CNTNAP3B: variants seen among roughly 807,000 people sequenced by gnomAD.
The protein encoded by CNTNAP3B is contactin associated protein family member 3B.
A neutral mutation model predicts 108.9 loss-of-function variants in CNTNAP3B; 25 were observed. The observed-to-expected ratio is 0.23, with a 90% confidence interval of 0.17 to 0.32. CNTNAP3B has a LOEUF of 0.32. CNTNAP3B is among the 10% of genes least tolerant of loss of function. The probability of loss-of-function intolerance (pLI) is 1.00; values close to 1 mark genes in which losing one functional copy is unlikely to be tolerated. For missense variants in CNTNAP3B, 252 were observed against 1,210.4 expected (o/e 0.21, Z 11.75); for synonymous variants, 103 against 473.4 (o/e 0.22, Z 10.16).
chr9:42,064,505 G>C lies in CNTNAP3B; in HGVS notation c.390+12364C>G, dbSNP rs1343047643. On this transcript the variant is annotated intron_variant, in intron 3 of 23. Transcript: ENST00000377561. ...ATTCAGGAGGTACATATGCAGGTTT[G>C]TTACCTTGGTATATTGTGTAATGCT... is the stretch of plus-strand genomic sequence containing the variant. Among the ~76,000 whole-genome samples the C allele has an allele frequency of 7.7e-4, 84 of 109,118 alleles. 1 individual carries two copies. Among genetic ancestry groups the C allele is most frequent in the Middle Eastern group, 3.9e-3 (1 of 258 alleles). The allele number at this position is 109,118 out of a possible 152,430, so 71.6% of individuals were successfully genotyped here.
chr9:41,982,861 T>TAA (rs572261820), intron 9 of CNTNAP3B, among the ~76,000 whole-genome samples: 2 of 135,142 alleles, frequency 1.5e-5, no homozygotes, highest in African/African-American at 6.1e-5. Flanking sequence ...TATGTAGCCA[T>TAA]AAAAAAAATG....
Position 42,030,748 on chromosome 9 carries a change from TACAGAGAG to T in CNTNAP3B, c.391-17231_391-17224del, listed in dbSNP as rs1243902442. 4.1e-4 allele frequency among the ~76,000 whole-genome samples: 3 copies of T among 7,280 alleles called. No homozygotes were observed. The East Asian group carries it at 0.011, about 26-fold the overall frequency. The allele number at this position is 7,280 out of a possible 152,430, so 4.8% of individuals were successfully genotyped here. A position where few individuals can be genotyped will look rare whatever the true frequency, so the allele number is the denominator to read the frequency against. ...CCCGGAGAAGGGAGTGAGAAAGAGA[TACAGAGAG>T]AGAGAGAGAGAGAGAGAGAGAGAGA... On this transcript the variant is annotated intron_variant, in intron 3 of 23. Coordinates refer to ENST00000377561, the MANE Select transcript of CNTNAP3B (RefSeq NM_001201380.3).
At chr9:42,056,442 C>A (rs1253545209) in intron 3 of CNTNAP3B, among the ~76,000 whole-genome samples, 1 of 138,352 alleles carries the variant, frequency 7.2e-6, no homozygotes, top group East Asian at 2.1e-4. Flanking sequence ...GCTCCACCTC[C>A]CGGGTTCACA....
At chr9:41,943,749 A>T (rs1158259377) in intron 13 of CNTNAP3B, among the ~76,000 whole-genome samples, 1 of 152,064 alleles carries the variant, frequency 6.6e-6, no homozygotes, top group Admixed American at 6.5e-5. Context: ...AATATTTAAA[A>T]TAATGACAGT....
At position 42,036,464 on chromosome 9, in the gene CNTNAP3B, A is replaced by C. The variant is rs1163889757; in HGVS notation, c.391-22939T>G. ...AATTTGGGTCTCACTAATACTTTTTAAGATCGAACTGCAAGGCAGCAGCGA... is the reference window on the plus strand; with the variant it reads ...AATTTGGGTCTCACTAATACTTTTTCAGATCGAACTGCAAGGCAGCAGCGA... On this transcript the variant is annotated intron_variant, in intron 3 of 23. Coordinates refer to ENST00000377561, the MANE Select transcript of CNTNAP3B (RefSeq NM_001201380.3). 1.4e-5 allele frequency among the ~76,000 whole-genome samples: 2 copies of C among 138,776 alleles called. 1 individual carries two copies. Among genetic ancestry groups the C allele is most frequent in the African/African-American group, 5.7e-5 (2 of 34,926 alleles). 91.0% of individuals were successfully genotyped at this position (138,776 alleles called of 152,430 possible). A position where few individuals can be genotyped will look rare whatever the true frequency, so the allele number is the denominator to read the frequency against.
At position 41,922,287 on chromosome 9, in the gene CNTNAP3B, A is replaced by T. The variant is rs1211941213; in HGVS notation, c.2755+390T>A. Among the ~76,000 whole-genome samples, 2 of 122,994 alleles carry T rather than the reference A, an allele frequency of 1.6e-5. 1 individual carries two copies. The highest frequency in any genetic ancestry group is 4.6e-4 in the East Asian group (2 of 4,320). 80.7% of individuals were successfully genotyped at this position (122,994 alleles called of 152,430 possible). A position where few individuals can be genotyped will look rare whatever the true frequency, so the allele number is the denominator to read the frequency against. ...ACGACCATCCTGGCCAACATGGTAA[A>T]ACTGTGTCTCTATTAAAAATACAAA... On this transcript the variant is annotated intron_variant, in intron 17 of 23. Coordinates refer to ENST00000377561, the MANE Select transcript of CNTNAP3B (RefSeq NM_001201380.3).
intron 13 of CNTNAP3B, among the ~76,000 whole-genome samples, chr9:41,941,236 T>C (rs1467354629): frequency 1.3e-5 from 2 of 149,958 alleles, no homozygotes; most frequent in Non-Finnish European, 3.0e-5. Context: ...ATGTAAATGG[T>C]TAAAATATAA....
chr9:41,947,615 T>A (rs1476520610), intron 13 of CNTNAP3B, among the ~76,000 whole-genome samples: 1 of 152,066 alleles, frequency 6.6e-6, no homozygotes, highest in Admixed American at 6.6e-5. Context: ...ATAATGTAAG[T>A]TCTTACCTCT....
rs1222575531 is a variant in CNTNAP3B, at chr9:42,078,332, C to T, written c.197-1270G>A. Among the ~76,000 whole-genome samples, 103 of 124,346 alleles carry T rather than the reference C, an allele frequency of 8.3e-4. 1 individual carries two copies. Among genetic ancestry groups the T allele is most frequent in the African/African-American group, 3.2e-3 (101 of 31,226 alleles). 81.6% of individuals were successfully genotyped at this position (124,346 alleles called of 152,430 possible). A position where few individuals can be genotyped will look rare whatever the true frequency, so the allele number is the denominator to read the frequency against. On this transcript the variant is annotated intron_variant, in intron 2 of 23. Transcript: ENST00000377561. The stretch of plus-strand genomic sequence containing the variant: ...TGATGACCACACTTAACTACTGTTT[C>T]CTTATGATTCCCAAGTTTACAGATT...
chr9:41,923,502 C>T (rs4879012), intron 16 of CNTNAP3B, among the ~76,000 whole-genome samples: 26,214 of 143,216 alleles, frequency 0.18, no homozygotes, highest in South Asian at 0.26. Context: ...CAGTTCACAC[C>T]TGTAATCCCA....
intron 10 of CNTNAP3B, among the ~76,000 whole-genome samples, chr9:41,967,962 A>C (rs1825330896): frequency 6.6e-6 from 1 of 152,256 alleles, no homozygotes; most frequent in Admixed American, 6.5e-5. Flanking sequence ...TTTGGGGTAC[A>C]ATTTGGAGGC....
chr9:41,924,400 T>C (rs1358156468), intron 15 of CNTNAP3B, among the ~76,000 whole-genome samples: 1 of 152,422 alleles, frequency 6.6e-6, no homozygotes, highest in East Asian at 1.9e-4. Context: ...ACCTCAAAGG[T>C]ACGACCAACA....
At position 41,953,286 on chromosome 9, in the gene CNTNAP3B, G is replaced by A. The variant is rs780317732; in HGVS notation, c.1977C>T (p.Tyr659=). Residue 659 remains tyrosine (Y), a synonymous_variant, in exon 13 of 24, where the codon TAC becomes TAT. Transcript: ENST00000377561. ...CCCGCAGCTGCCCCGCGCCCGCTGC[G>A]TACGCGAAGGACACAGCCGAGAGCG... ...GHPLSAVSFA[Y]AAGAGQLRAA... is the part of the protein sequence containing the mutation. 27 of 1,529,382 alleles carry A rather than the reference G, an allele frequency of 1.8e-5. No homozygotes were observed. In the African/African-American group the frequency reaches 2.8e-4, roughly 16 times the overall value. The allele number at this position is 1,529,382 out of a possible 1,614,324, so 94.7% of individuals were successfully genotyped here. A position where few individuals can be genotyped will look rare whatever the true frequency, so the allele number is the denominator to read the frequency against.
intron 3 of CNTNAP3B, among the ~76,000 whole-genome samples, chr9:42,070,832 C>A (rs1437707758): frequency 6.6e-6 from 1 of 151,970 alleles, no homozygotes; most frequent in East Asian, 1.9e-4. Context: ...GGAACAAATA[C>A]ACACAGGCCA....
intron 13 of CNTNAP3B, among the ~76,000 whole-genome samples, chr9:41,940,846 A>T (rs1170271178): frequency 3.3e-5 from 5 of 152,238 alleles, no homozygotes; most frequent in African/African-American, 4.8e-5. Context: ...AAACCTTTTT[A>T]ACACAAAAGA....
intron 3 of CNTNAP3B, among the ~76,000 whole-genome samples, chr9:42,022,506 TTTTTG>T (rs1428057102): frequency 4.8e-4 from 1 of 2,096 alleles, no homozygotes; most frequent in African/African-American, 3.5e-3. Flanking sequence ...AATACCATGT[TTTTTG>T]TTTTGTTTTG....
rs1366122053 is a variant in CNTNAP3B, at chr9:42,115,583, G to A, written c.86-10844C>T. Among the ~76,000 whole-genome samples, 2 of 132,022 alleles carry A rather than the reference G, an allele frequency of 1.5e-5. 1 individual carries two copies. Among genetic ancestry groups the A allele is most frequent in the Non-Finnish European group, 3.2e-5 (2 of 62,774 alleles). The allele number at this position is 132,022 out of a possible 152,430, so 86.6% of individuals were successfully genotyped here. On this transcript the variant is annotated intron_variant, in intron 1 of 23. Transcript: ENST00000377561. ...ATTTGCTGTTCTGCAGCCTCTGCTGGTGATACCCAGGCAAACAGGGTCTGG... is the reference window on the plus strand; with the variant it reads ...ATTTGCTGTTCTGCAGCCTCTGCTGATGATACCCAGGCAAACAGGGTCTGG...
chr9:41,944,489 T>TA (rs1380091480), intron 13 of CNTNAP3B, among the ~76,000 whole-genome samples: 3 of 152,290 alleles, frequency 2.0e-5, no homozygotes, highest in African/African-American at 7.2e-5. Flanking sequence ...TAGATTGTTA[T>TA]AGTGTATATT....
intron 12 of CNTNAP3B, chr9:41,960,291 C>T (rs140904861): frequency 7.0e-5 from 12 of 170,540 alleles, no homozygotes; most frequent in African/African-American, 9.6e-5. Flanking sequence ...AGCCACCATG[C>T]GCAGCCCAAG....
Sources: gnomAD v4.1 joint callset for allele counts (sites outside exome capture counted in the v4.1 genomes callset) on GRCh38, gnomAD v4.1.1 for gene constraint, MANE v1.5 for transcripts, NCBI Gene and HGNC (gene_info 2026-07-23, HGNC 2026-07-21) for gene names.